PRKN: variants seen among roughly 807,000 people sequenced by gnomAD.
PRKN encodes parkin RBR E3 ubiquitin protein ligase.
In PRKN, 56 loss-of-function variants were observed where a neutral mutation model predicts 59.5. The ratio of observed to expected loss-of-function variants is 0.94; its 90% confidence interval spans 0.76 to 1.18. The LOEUF (loss-of-function observed/expected upper bound fraction) is 1.18, where lower values mean the gene tolerates loss of function less well. Ranked by LOEUF, PRKN falls within the 50% of genes most tolerant of loss-of-function variation. The probability of loss-of-function intolerance (pLI) is 0.00; values close to 1 mark genes in which losing one functional copy is unlikely to be tolerated. For synonymous variants in PRKN, 250 were observed against 222.1 expected, an observed-to-expected ratio of 1.13 and a Z score of -1.12; for missense variants, 657 against 596.4, an observed-to-expected ratio of 1.10 and a Z score of -1.06.
At chr6:162,044,996 G>A (rs368282379) in intron 5 of PRKN, among the ~76,000 whole-genome samples, 4 of 152,078 alleles carry the variant, frequency 2.6e-5, no homozygotes, top group South Asian at 4.1e-4. Flanking sequence ...TTGCCTACAC[G>A]TCTCACTCCA....
At chr6:161,368,417 T>A (rs1785311103) in intron 10 of PRKN, among the ~76,000 whole-genome samples, 1 of 90,200 alleles carries the variant, frequency 1.1e-5, no homozygotes, top group African/African-American at 4.4e-5. Flanking sequence ...ATGCTGGGCC[T>A]GGTGGCGCAC....
intron 2 of PRKN, among the ~76,000 whole-genome samples, chr6:162,407,745 A>C (rs1788143103): frequency 1.3e-5 from 2 of 151,920 alleles, no homozygotes; most frequent in African/African-American, 4.8e-5. Flanking sequence ...CCCCAAATAG[A>C]TGGCATTATT....
At chr6:162,268,702 G>A (rs183078958) in intron 2 of PRKN, among the ~76,000 whole-genome samples, 17 of 152,242 alleles carry the variant, frequency 1.1e-4, no homozygotes, top group African/African-American at 3.6e-4. Context: ...CCCAGCTCCC[G>A]AGTGTGAAGC....
chr6:162,395,693 T>A (rs1787440524), intron 2 of PRKN, among the ~76,000 whole-genome samples: 1 of 147,356 alleles, frequency 6.8e-6, no homozygotes, highest in Non-Finnish European at 1.5e-5. Flanking sequence ...CTCCTTTGTT[T>A]GCAAAAAAAA....
rs1291823413 is a variant in PRKN at position 161,552,833 on chromosome 6, G to C, written c.934-3830C>G. ...TTTTTAGACGGAGTCTCGTTGTTAC[G>C]CGGCTGGAGTACAGTGGCGCAATCT... is the stretch of plus-strand genomic sequence containing the variant. On this transcript the variant is annotated intron_variant, in intron 8 of 11. Coordinates refer to ENST00000366898, the MANE Select transcript of PRKN (RefSeq NM_004562.3). The surrounding 1 kb of genome is among the most constrained non-coding windows in gnomAD (Gnocchi z 4.9). 6.9e-6 allele frequency among the ~76,000 whole-genome samples: 1 copy of C among 145,236 alleles called. No homozygotes were observed. Among genetic ancestry groups the C allele is most frequent in the Non-Finnish European group, 1.5e-5 (1 of 66,864 alleles).
intron 1 of PRKN, among the ~76,000 whole-genome samples, chr6:162,563,660 A>C (rs930994363): frequency 3.9e-5 from 6 of 152,222 alleles, no homozygotes; most frequent in Non-Finnish European, 1.5e-5. Context: ...GATCTCATCA[A>C]ATGAACTAAA....
intron 2 of PRKN, among the ~76,000 whole-genome samples, chr6:162,291,632 AT>A (rs1781432727): frequency 6.6e-6 from 1 of 152,236 alleles, no homozygotes; most frequent in East Asian, 1.9e-4. Flanking sequence ...AACATGAAAG[AT>A]TTTTTGAGAG....
intron 1 of PRKN, among the ~76,000 whole-genome samples, chr6:162,523,596 A>C (rs1416434495): frequency 1.3e-5 from 2 of 152,078 alleles, no homozygotes; most frequent in Non-Finnish European, 2.9e-5. Context: ...ACCCAGAGGC[A>C]GAGGTTGCAG....
chr6:162,328,101 G>A (rs539626660), intron 2 of PRKN, among the ~76,000 whole-genome samples: 49 of 64,092 alleles, frequency 7.6e-4, no homozygotes, highest in African/African-American at 2.0e-3. Context: ...TGGCTGACGC[G>A]TGGAATCCCA....
chr6:162,138,522 G>T (rs900145188), intron 4 of PRKN, among the ~76,000 whole-genome samples: 1 of 151,804 alleles, frequency 6.6e-6, no homozygotes, highest in African/African-American at 2.4e-5. Flanking sequence ...ATCGTGCAAA[G>T]AAACATAAAA....
intron 7 of PRKN, among the ~76,000 whole-genome samples, chr6:161,752,415 T>C (rs1162182327): frequency 6.6e-6 from 1 of 152,082 alleles, no homozygotes. Context: ...CGCTCAAGGT[T>C]GGGTGCAGCA....
chr6:162,710,536 G>C (rs998859801), intron 1 of PRKN, among the ~76,000 whole-genome samples: 6 of 152,102 alleles, frequency 3.9e-5, no homozygotes, highest in African/African-American at 1.4e-4. Flanking sequence ...GCTTCCCAGT[G>C]GGAAAGGGGA....
chr6:161,635,124 T>C (rs763905879), intron 7 of PRKN, among the ~76,000 whole-genome samples: 7 of 152,328 alleles, frequency 4.6e-5, no homozygotes, highest in Non-Finnish European at 8.8e-5. Flanking sequence ...TGGCCAGTGA[T>C]AGTTGATAAT....
At chr6:162,387,553 C>CAGAGAGAG (rs1204741690) in intron 2 of PRKN, among the ~76,000 whole-genome samples, 17 of 80,268 alleles carry the variant, frequency 2.1e-4, no homozygotes, top group African/African-American at 8.6e-4. Flanking sequence ...CACACACACA[C>CAGAGAGAG]ACAGAGAGAG....
intron 1 of PRKN, among the ~76,000 whole-genome samples, chr6:162,611,969 A>G (rs1443425381): frequency 6.6e-6 from 1 of 151,856 alleles, no homozygotes; most frequent in Admixed American, 6.6e-5. Context: ...GCGTATCATA[A>G]GGTCAGGAGA....
In PRKN at chr6:161,386,832, A is replaced by C; in HGVS notation, c.1129T>G (p.Cys377Gly). 1 of 1,613,826 alleles carries C rather than the reference A, an allele frequency of 6.2e-7. No homozygotes were observed. The highest frequency in any genetic ancestry group is 8.5e-7 in the Non-Finnish European group (1 of 1,179,970). ...CCTGAGGCTTCAAATACGGCACTGC[A>C]CTCCCCTTCATGGTACGCTTCTTTA... is the stretch of plus-strand genomic sequence containing the variant. ...ECKEAYHEGE[C>G]SAVFEASGTT... The change falls in exon 10 of 12, where the codon TGC becomes GGC. Residue 377 changes from cysteine to glycine, a missense_variant. Cys to Gly is a radical substitution (Grantham distance 159). Transcript: ENST00000366898. The surrounding 1 kb of genome is among the most constrained non-coding windows in gnomAD (Gnocchi z 4.3).
Position 161,545,178 on chromosome 6 carries a change from T to C in PRKN, c.1083+3676A>G. On this transcript the variant is annotated intron_variant, in intron 9 of 11. Transcript: ENST00000366898. This position sits in a 1 kb window ranked among gnomAD's most constrained non-coding sequence, Gnocchi z 4.1. ...AGCTAACATTTCTTGCATACCCACA[T>C]GGTAAGAGTTGTACTTTTTCTATCT... is the stretch of plus-strand genomic sequence containing the variant. The C allele has an allele frequency of 1.5e-6, 2 of 1,342,460 alleles. No homozygotes were observed. The highest frequency in any genetic ancestry group is 9.5e-7 in the Non-Finnish European group (1 of 1,049,310). 83.2% of individuals were successfully genotyped at this position (1,342,460 alleles called of 1,614,324 possible).
chr6:161,724,238 T>A (rs997522691), intron 7 of PRKN, among the ~76,000 whole-genome samples: 4 of 152,192 alleles, frequency 2.6e-5, no homozygotes, highest in Non-Finnish European at 1.5e-5. Context: ...CTCCCTTTCA[T>A]GTTAAATGAT....
intron 1 of PRKN, among the ~76,000 whole-genome samples, chr6:162,508,124 C>T (rs551436036): frequency 1.4e-4 from 22 of 152,292 alleles, no homozygotes; most frequent in African/African-American, 5.3e-4. Flanking sequence ...AGGCAAAAGG[C>T]ACTTCTTACA....
Sources: allele counts gnomAD v4.1 joint callset (sites outside exome capture counted in the v4.1 genomes callset), GRCh38; gene constraint gnomAD v4.1.1; non-coding constraint Gnocchi (gnomAD v3.1); transcripts MANE v1.5; gene names NCBI Gene and HGNC (gene_info 2026-07-23, HGNC 2026-07-21).